The following FMNL2 variants were observed in gnomAD, a reference collection of about 807,000 sequenced individuals.
FMNL2 encodes formin like 2.
In FMNL2, 51 loss-of-function variants were observed where a neutral mutation model predicts 130.2. The observed-to-expected ratio is 0.39, with a 90% CI of 0.31 to 0.49. FMNL2 has a LOEUF of 0.49. Ranked by LOEUF, FMNL2 falls within the 20% of genes least tolerant of loss-of-function variation. FMNL2 has a pLI of 0.85. For missense variants in FMNL2, 977 were observed against 1,316.2 expected (o/e 0.74, Z 3.99); for synonymous variants, 465 against 467.1 (o/e 1.00, Z 0.06).
chr2:152,414,245 A>G (rs897261138), intron 1 of FMNL2, among the ~76,000 whole-genome samples: 3 of 152,130 alleles, frequency 2.0e-5, no homozygotes, highest in African/African-American at 7.2e-5. Context: ...TTGATTTACT[A>G]CAGTCTAATA....
At chr2:152,466,713 G>A (rs1579733110) in intron 1 of FMNL2, among the ~76,000 whole-genome samples, 1 of 152,302 alleles carries the variant, frequency 6.6e-6, no homozygotes, top group Admixed American at 6.5e-5. Flanking sequence ...GGAGAAGACG[G>A]TGGCATATAC....
At chr2:152,562,248 C>G (rs953752973) in intron 6 of FMNL2, among the ~76,000 whole-genome samples, 2 of 152,006 alleles carry the variant, frequency 1.3e-5, no homozygotes, top group African/African-American at 4.8e-5. Flanking sequence ...TCATTTTTTT[C>G]TACACTACCC....
At chr2:152,402,653 TTC>T (rs1685769006) in intron 1 of FMNL2, among the ~76,000 whole-genome samples, 1 of 152,222 alleles carries the variant, frequency 6.6e-6, no homozygotes, top group African/African-American at 2.4e-5. Flanking sequence ...AGCTCTCTCA[TTC>T]CTTCCTCTTT....
At chr2:152,555,442 C>A (rs1299678028) in intron 4 of FMNL2, among the ~76,000 whole-genome samples, 2 of 152,166 alleles carry the variant, frequency 1.3e-5, no homozygotes, top group Non-Finnish European at 2.9e-5. Flanking sequence ...TTCTGTTGTG[C>A]AACTTTGGGC....
At chr2:152,386,003 C>G (rs1198100522) in intron 1 of FMNL2, among the ~76,000 whole-genome samples, 3 of 152,186 alleles carry the variant, frequency 2.0e-5, no homozygotes, top group Non-Finnish European at 4.4e-5. Flanking sequence ...TATACTCAGT[C>G]CTGCAGACAA....
At chr2:152,647,478 T>A (rs1378926662) in intron 25 of FMNL2, among the ~76,000 whole-genome samples, 1 of 152,178 alleles carries the variant, frequency 6.6e-6, no homozygotes, top group African/African-American at 2.4e-5. Context: ...AACAAAAAAA[T>A]TAAGCTACAG....
chr2:152,359,496 A>C (rs1683039005), intron 1 of FMNL2, among the ~76,000 whole-genome samples: 6 of 103,946 alleles, frequency 5.8e-5, no homozygotes, highest in African/African-American at 7.3e-5. Context: ...TTTTTTTTTC[A>C]CATAACAGGT....
chr2:152,444,488 A>C (rs1449159153), intron 1 of FMNL2, among the ~76,000 whole-genome samples: 1 of 152,196 alleles, frequency 6.6e-6, no homozygotes, highest in Admixed American at 6.5e-5. Flanking sequence ...CCTTTGGACT[A>C]CTTTCATTTA....
intron 1 of FMNL2, among the ~76,000 whole-genome samples, chr2:152,410,670 C>T (rs954691390): frequency 1.3e-4 from 20 of 152,212 alleles, no homozygotes; most frequent in African/African-American, 4.6e-4. Flanking sequence ...CCTTCACCCC[C>T]ACCCCACCAA....
At chr2:152,440,922 A>G (rs1688016485) in intron 1 of FMNL2, among the ~76,000 whole-genome samples, 1 of 152,230 alleles carries the variant, frequency 6.6e-6, no homozygotes, top group Non-Finnish European at 1.5e-5. Context: ...TTGAAATGGG[A>G]ACCTCTGCAA....
intron 1 of FMNL2, among the ~76,000 whole-genome samples, chr2:152,346,518 C>T (rs1448970693): frequency 1.3e-5 from 2 of 151,564 alleles, no homozygotes; most frequent in Non-Finnish European, 2.9e-5. Flanking sequence ...AAAAAACTGG[C>T]TTAGTGGCAC....
At position 152,591,921 on chromosome 2, in the gene FMNL2, G is replaced by A. The variant is rs535782845; in HGVS notation, c.876+10872G>A. On this transcript the variant is annotated intron_variant, in intron 9 of 25. Coordinates refer to ENST00000288670, the MANE Select transcript of FMNL2 (RefSeq NM_052905.4). ...GTTAGAGACCATCTTGGCCAACGTG[G>A]TGAAACCCCTTCTCTACTAAAAATA... 5.3e-5 allele frequency among the ~76,000 whole-genome samples: 8 copies of A among 152,268 alleles called. No homozygotes were observed. The South Asian group carries it at 1.7e-3, about 32-fold the overall frequency.
chr2:152,630,974 T>C (rs1682119114), intron 20 of FMNL2, among the ~76,000 whole-genome samples: 1 of 152,206 alleles, frequency 6.6e-6, no homozygotes, highest in Admixed American at 6.5e-5. Context: ...CCCCAGTGGA[T>C]GCCTGAAACC....
chr2:152,591,489 G>T (rs1697437475), intron 9 of FMNL2, among the ~76,000 whole-genome samples: 1 of 152,218 alleles, frequency 6.6e-6, no homozygotes. Context: ...CCCGTTACAG[G>T]GTTAGGGGAG....
chr2:152,388,440 A>G (rs1684911254), intron 1 of FMNL2, among the ~76,000 whole-genome samples: 1 of 152,138 alleles, frequency 6.6e-6, no homozygotes, highest in African/African-American at 2.4e-5. Context: ...GAATGGGAGA[A>G]AAGCCCTTAC....
chr2:152,387,437 A>G (rs550997240), intron 1 of FMNL2, among the ~76,000 whole-genome samples: 78 of 152,346 alleles, frequency 5.1e-4, no homozygotes, highest in Non-Finnish European at 8.4e-4. Flanking sequence ...TAAAACTAAT[A>G]TGTTGTAATT....
intron 1 of FMNL2, among the ~76,000 whole-genome samples, chr2:152,468,465 T>C (rs1689674479): frequency 1.3e-5 from 2 of 152,264 alleles, no homozygotes; most frequent in African/African-American, 4.8e-5. Context: ...TGTTTTTTTT[T>C]CATTTGTATA....
chr2:152,494,805 T>A (rs578176271), intron 1 of FMNL2, among the ~76,000 whole-genome samples: 26 of 152,358 alleles, frequency 1.7e-4, no homozygotes, highest in African/African-American at 6.0e-4. Context: ...TCAGCCTGTT[T>A]AGAAGAAGTG....
At chr2:152,582,454 C>T (rs1206292524) in intron 9 of FMNL2, among the ~76,000 whole-genome samples, 1 of 152,110 alleles carries the variant, frequency 6.6e-6, no homozygotes, top group African/African-American at 2.4e-5. Flanking sequence ...TGATATTATC[C>T]ATTTTGTAAA....
Sources: gnomAD v4.1 joint callset for allele counts (sites outside exome capture counted in the v4.1 genomes callset) on GRCh38, gnomAD v4.1.1 for gene constraint, MANE v1.5 for transcripts, NCBI Gene and HGNC (gene_info 2026-07-23, HGNC 2026-07-21) for gene names.